PLS1: variants seen among roughly 807,000 people sequenced by gnomAD.
PLS1 encodes the protein plastin-1.
Under a neutral mutation model 73.7 loss-of-function variants are expected in PLS1, and 32 were observed. That is an observed-to-expected ratio of 0.43 (90% CI 0.33 to 0.58). The LOEUF (loss-of-function observed/expected upper bound fraction) is 0.58. PLS1 is among the 20% of genes least tolerant of loss of function. The pLI is 0.04. For synonymous variants in PLS1, 217 were observed against 261.3 expected (o/e 0.83, Z 1.63); for missense variants, 633 against 740.5 (o/e 0.85, Z 1.68).
rs1303424941 is a variant in PLS1, at chr3:142,712,105, A to G, written c.*98A>G. 9 of 1,052,068 alleles carry G rather than the reference A, an allele frequency of 8.6e-6. No individual in the cohort carries two copies. Among genetic ancestry groups the G allele is most frequent in the Admixed American group, 1.9e-5 (1 of 53,404 alleles). 65.2% of individuals were successfully genotyped at this position (1,052,068 alleles called of 1,614,324 possible). Reference sequence around the variant, plus strand: ...GGGTGTAAAACCAGAGATTATTTGTATGCTCAAAATAGTTATATATTCATT... The same window carrying G: ...GGGTGTAAAACCAGAGATTATTTGTGTGCTCAAAATAGTTATATATTCATT... On this transcript the variant is annotated 3_prime_UTR_variant, in exon 16 of 16. Transcript: ENST00000457734.
chr3:142,701,059 T>C (rs1318481285), intron 12 of PLS1, among the ~76,000 whole-genome samples: 1 of 152,246 alleles, frequency 6.6e-6, no homozygotes, highest in African/African-American at 2.4e-5. Flanking sequence ...CTTGGATATG[T>C]CTTTATCAGC....
At chr3:142,645,845 C>A (rs1312104730) in intron 1 of PLS1, among the ~76,000 whole-genome samples, 1 of 152,106 alleles carries the variant, frequency 6.6e-6, no homozygotes, top group Admixed American at 6.6e-5. Context: ...ATCTTTTAAT[C>A]CATTCCCTGA....
At chr3:142,677,549 C>T (rs1210602521) in intron 5 of PLS1, among the ~76,000 whole-genome samples, 1 of 152,000 alleles carries the variant, frequency 6.6e-6, no homozygotes, top group African/African-American at 2.4e-5. Flanking sequence ...GAGGCTGAGG[C>T]AGGAGTATCA....
chr3:142,610,077 C>G (rs9826463), intron 1 of PLS1, among the ~76,000 whole-genome samples: 33,295 of 152,126 alleles, frequency 0.22, 4,581 homozygotes, highest in African/African-American at 0.39. Context: ...CCATGTTGGC[C>G]AAGCTGATCT....
At chr3:142,622,137 TTTC>T (rs35426828) in intron 1 of PLS1, among the ~76,000 whole-genome samples, 96,977 of 151,714 alleles carry the variant, frequency 0.64, 32,578 homozygotes, top group African/African-American at 0.86. Context: ...TCTCCTGGTA[TTTC>T]TTCTGCCAGT....
At chr3:142,665,473 A>G (rs966430389) in intron 2 of PLS1, among the ~76,000 whole-genome samples, 1 of 152,336 alleles carries the variant, frequency 6.6e-6, no homozygotes, top group Middle Eastern at 3.4e-3. Context: ...TCAGAAAACA[A>G]TCATACATTT....
chr3:142,612,345 T>C (rs1041272488), intron 1 of PLS1, among the ~76,000 whole-genome samples: 1 of 152,146 alleles, frequency 6.6e-6, no homozygotes, highest in African/African-American at 2.4e-5. Flanking sequence ...AGTGCCAAAA[T>C]TGTAATACAG....
intron 1 of PLS1, among the ~76,000 whole-genome samples, chr3:142,642,285 A>C (rs1177293912): frequency 1.3e-5 from 2 of 152,084 alleles, no homozygotes; most frequent in Non-Finnish European, 2.9e-5. Flanking sequence ...TTTAATTACT[A>C]TCTGATATTC....
At chr3:142,653,738 TAAAAAGAGACCCC>T (rs1206262588) in intron 1 of PLS1, among the ~76,000 whole-genome samples, 1 of 152,136 alleles carries the variant, frequency 6.6e-6, no homozygotes, top group Non-Finnish European at 1.5e-5. Flanking sequence ...GTATATAGTA[TAAAAAGAGACCCC>T]TTTATATCCA....
chr3:142,703,609 T>C (rs111331964), intron 12 of PLS1, among the ~76,000 whole-genome samples: 2 of 152,310 alleles, frequency 1.3e-5, no homozygotes, highest in Admixed American at 6.5e-5. Context: ...ATAGTCAAGA[T>C]TTTTAGAGTA....
chr3:142,699,014 C>G lies in PLS1; in HGVS notation c.1371+947C>G, dbSNP rs1398664003. 3.9e-5 allele frequency among the ~76,000 whole-genome samples: 6 copies of G among 152,140 alleles called. No individual in the cohort carries two copies. The East Asian group carries it at 1.2e-3, about 29-fold the overall frequency. ...TGTTTGACAGGAACAGAAAACCAAA[C>G]ACTGCATGTTCTCACTCATAAGTGG... On this transcript the variant is annotated intron_variant, in intron 12 of 15. Transcript: ENST00000457734.
At chr3:142,704,713 A>G in intron 14 of PLS1, 127 bp downstream of exon 14, 1 of 417,176 alleles carries the variant, frequency 2.4e-6, no homozygotes, top group South Asian at 3.4e-5. Flanking sequence ...CAGTGGCGCG[A>G]TCTTGGCTCA....
intron 1 of PLS1, among the ~76,000 whole-genome samples, chr3:142,606,941 T>G (rs1335359985): frequency 1.3e-5 from 2 of 152,186 alleles, no homozygotes; most frequent in Non-Finnish European, 2.9e-5. Flanking sequence ...TTATTTTCAT[T>G]TCTCTGGGCA....
intron 1 of PLS1, among the ~76,000 whole-genome samples, chr3:142,641,249 A>C (rs1560044194): frequency 6.9e-6 from 1 of 145,564 alleles, no homozygotes; most frequent in African/African-American, 2.5e-5. Flanking sequence ...ATATCTATAT[A>C]TCTCTCTATA....
At chr3:142,597,866 A>G (rs926336997) in intron 1 of PLS1, among the ~76,000 whole-genome samples, 3 of 152,182 alleles carry the variant, frequency 2.0e-5, no homozygotes, top group African/African-American at 7.2e-5. Flanking sequence ...GCAGAAAATT[A>G]GTTGTTTCTC....
intron 10 of PLS1, among the ~76,000 whole-genome samples, chr3:142,691,871 T>C (rs189064358): frequency 1.3e-5 from 2 of 152,122 alleles, no homozygotes; most frequent in African/African-American, 4.8e-5. Flanking sequence ...TATTAAACGC[T>C]CACATCAAAT....
intron 1 of PLS1, among the ~76,000 whole-genome samples, chr3:142,632,906 G>C (rs1328593273): frequency 6.6e-6 from 1 of 152,078 alleles, no homozygotes; most frequent in East Asian, 1.9e-4. Flanking sequence ...GCCTAGAGCA[G>C]GATCTTAAAC....
chr3:142,652,614 A>G (rs763291117), intron 1 of PLS1, among the ~76,000 whole-genome samples: 9 of 152,128 alleles, frequency 5.9e-5, no homozygotes, highest in Admixed American at 1.3e-4. Context: ...CACGTTTCAC[A>G]TTGTCCCTCT....
intron 1 of PLS1, among the ~76,000 whole-genome samples, chr3:142,645,108 ATTCT>A (rs1252648198): frequency 6.6e-6 from 1 of 152,226 alleles, no homozygotes; most frequent in African/African-American, 2.4e-5. Flanking sequence ...AATTAGTTGT[ATTCT>A]TTAAGTAAAT....
Sources: allele counts gnomAD v4.1 joint callset (sites outside exome capture counted in the v4.1 genomes callset), GRCh38; gene constraint gnomAD v4.1.1; transcripts MANE v1.5; gene names NCBI Gene and HGNC (gene_info 2026-07-23, HGNC 2026-07-21).